The following MIOS variants were observed in gnomAD, a reference collection of about 807,000 sequenced individuals.
MIOS encodes GATOR2 complex protein MIOS.
MIOS carries 52 observed loss-of-function variants against 96.9 expected under a neutral mutation model. The ratio of observed to expected loss-of-function variants is 0.54; its 90% CI spans 0.43 to 0.68. The LOEUF (loss-of-function observed/expected upper bound fraction) is 0.68. Among genes scored for constraint, MIOS ranks in the 30% least tolerant of loss-of-function variants. The probability of loss-of-function intolerance (pLI) is 0.00; values close to 1 mark genes in which losing one functional copy is unlikely to be tolerated. For synonymous variants in MIOS, 397 were observed against 359.5 expected, an observed-to-expected ratio of 1.10 and a Z score of -1.18; for missense variants, 1,005 against 1,052.8, an observed-to-expected ratio of 0.95 and a Z score of 0.63.
intron 5 of MIOS, among the ~76,000 whole-genome samples, chr7:7,580,295 T>C (rs903091135): frequency 6.6e-5 from 10 of 152,208 alleles, no homozygotes; most frequent in African/African-American, 7.2e-5. Context: ...TTTCATAAGC[T>C]AAAAGTGATT....
chr7:7,573,408 C>T lies in MIOS; in HGVS notation c.933C>T (p.Pro311=), dbSNP rs61744397. 175,272 of 1,613,946 alleles carry T rather than the reference C, an allele frequency of 0.11. 10,018 individuals carry two copies. Among genetic ancestry groups the T allele is most frequent in the Middle Eastern group, 0.22 (1,351 of 6,062 alleles). ...TPTPIGDETE[P]TIIERSVQPC... ...CTCCCATTGGGGATGAAACTGAACC[C>T]ACAATAATTGAAAGAAGTGTGCAAC... The change falls in exon 4 of 13, where the codon CCC becomes CCT. Residue 311 remains proline, a synonymous_variant. Transcript: ENST00000340080. This position sits in a 1 kb window ranked among gnomAD's most constrained non-coding sequence, Gnocchi z 5.0.
chr7:7,570,542 T>G (rs559502822), intron 3 of MIOS, among the ~76,000 whole-genome samples: 6 of 152,172 alleles, frequency 3.9e-5, no homozygotes, highest in African/African-American at 1.4e-4. Context: ...CTATTTACAT[T>G]GTACTATACA....
chr7:7,600,696 T>A (rs899391942), intron 11 of MIOS, among the ~76,000 whole-genome samples: 1 of 152,140 alleles, frequency 6.6e-6, no homozygotes, highest in African/African-American at 2.4e-5. Flanking sequence ...GGAATTGAAC[T>A]CCGCTCTGCA....
Position 7,606,084 on chromosome 7 carries a change from TTTC to T in MIOS, c.2531+19_2531+21del. On this transcript the variant is annotated intron_variant, in intron 12 of 12. Transcript: ENST00000340080. ...TTAGTTGGTTCAGGTAATCAGCACA[TTTC>T]TTCTTTGATAGGCTTGGAGTTATGG... 1 of 1,613,194 alleles carries T rather than the reference TTTC, an allele frequency of 6.2e-7. No individual in the cohort carries two copies. The highest frequency in any genetic ancestry group is 8.5e-7 in the Non-Finnish European group (1 of 1,179,448).
At chr7:7,581,954 A>T (rs1447029448) in intron 5 of MIOS, 2 of 149,480 alleles carry the variant, frequency 1.3e-5, no homozygotes, top group African/African-American at 4.9e-5. Context: ...TTATCTCGAG[A>T]CAAGTTACAG....
intron 5 of MIOS, among the ~76,000 whole-genome samples, chr7:7,576,533 G>T (rs916498821): frequency 6.6e-6 from 1 of 152,182 alleles, no homozygotes; most frequent in East Asian, 1.9e-4. Context: ...GACCCAGAGG[G>T]TAGAGAGCAT....
intron 11 of MIOS, among the ~76,000 whole-genome samples, chr7:7,598,019 CAT>C (rs1784267607): frequency 6.6e-6 from 1 of 152,062 alleles, no homozygotes; most frequent in African/African-American, 2.4e-5. Flanking sequence ...TTATAGTAAA[CAT>C]ATGGGAAAAA....
intron 6 of MIOS, among the ~76,000 whole-genome samples, chr7:7,583,821 A>T (rs1403580756): frequency 6.6e-6 from 1 of 152,180 alleles, no homozygotes; most frequent in East Asian, 1.9e-4. Context: ...TATTTAGGCT[A>T]ATACAAATTG....
At chr7:7,580,913 C>T (rs1332671050) in intron 5 of MIOS, among the ~76,000 whole-genome samples, 1 of 150,176 alleles carries the variant, frequency 6.7e-6, no homozygotes, top group Admixed American at 6.6e-5. Flanking sequence ...TCTCGAACTC[C>T]CGACCTCAGG....
rs546584210 is a variant in MIOS at position 7,595,320 on chromosome 7, T to C, written c.2196+188T>C. On this transcript the variant is annotated intron_variant, in intron 10 of 12. Transcript: ENST00000340080. ...CTTGCTAACAATCATCTCAGTGGCT[T>C]GAGCTTTAGTCGCAGATAGAACAAA... Among the ~76,000 whole-genome samples the C allele has an allele frequency of 2.6e-5, 4 of 152,348 alleles. No homozygotes were observed. In the East Asian group the frequency reaches 7.7e-4, roughly 29 times the overall value.
At chr7:7,596,190 C>A in intron 10 of MIOS, 67 bp from the exon 11 acceptor site, 1 of 1,356,954 alleles carries the variant, frequency 7.4e-7, no homozygotes, top group Non-Finnish European at 1.0e-6. Context: ...GTTAGGCGCA[C>A]ACTAAGTTAT....
chr7:7,582,185 A>G (rs1476878214), intron 5 of MIOS, among the ~76,000 whole-genome samples: 2 of 152,230 alleles, frequency 1.3e-5, no homozygotes, highest in African/African-American at 2.4e-5. Context: ...TGTAAATTAC[A>G]AAGGTAAATT....
intron 11 of MIOS, among the ~76,000 whole-genome samples, chr7:7,604,221 T>A (rs76703686): frequency 0.04 from 6,104 of 151,274 alleles, 147 homozygotes; most frequent in Middle Eastern, 0.1. Flanking sequence ...TAATAAAATT[T>A]AAAAAAAAAT....
chr7:7,584,304 A>C (rs1465780081), intron 6 of MIOS, among the ~76,000 whole-genome samples: 1 of 152,160 alleles, frequency 6.6e-6, no homozygotes, highest in Non-Finnish European at 1.5e-5. Context: ...GATGGAAAAA[A>C]GAATTGATAT....
intron 7 of MIOS, among the ~76,000 whole-genome samples, chr7:7,587,307 G>A (rs7794706): frequency 0.26 from 39,838 of 151,754 alleles, 5,375 homozygotes; most frequent in Middle Eastern, 0.37. Context: ...GATGTGAGCC[G>A]CCATGCCCTG....
chr7:7,572,513 A>T lies in MIOS; in HGVS notation c.38A>T (p.His13Leu). 1 of 1,614,002 alleles carries T rather than the reference A, an allele frequency of 6.2e-7. No homozygotes were observed. Among genetic ancestry groups the T allele is most frequent in the Non-Finnish European group, 8.5e-7 (1 of 1,179,906 alleles). ...AAACCTGATATTTTATGGGCACCAC[A>T]CCATGTTGATAGATTTGTTGTGTGT... Reference protein sequence around the residue: ...GTKPDILWAPHHVDRFVVCDS... With the variant: ...GTKPDILWAPLHVDRFVVCDS... The change falls in exon 4 of 13, where the codon CAC becomes CTC. Residue 13 changes from histidine to leucine, a missense_variant. This residue lies in a region of MIOS where 137 missense variants were observed against 148.6 expected (regional missense o/e 0.92). Transcript: ENST00000340080. The surrounding 1 kb of genome is among the most constrained non-coding windows in gnomAD (Gnocchi z 4.8).
chr7:7,595,063 T>C lies in MIOS; in HGVS notation c.2127T>C (p.Phe709=). The change falls in exon 10 of 13, where the codon TTT becomes TTC. Residue 709 remains phenylalanine (F), a synonymous_variant. Transcript: ENST00000340080. The part of the protein sequence containing the change: ...NYRNLLDAWR[F]WHKRAEFDIH... The stretch of plus-strand genomic sequence containing the variant: ...GAAATTTATTAGATGCCTGGAGGTT[T>C]TGGCATAAACGAGCTGAATTTGATA... 1 of 1,614,104 alleles carries C rather than the reference T, an allele frequency of 6.2e-7. No homozygotes were observed. Among genetic ancestry groups the C allele is most frequent in the South Asian group, 1.1e-5 (1 of 91,080 alleles).
intron 7 of MIOS, among the ~76,000 whole-genome samples, chr7:7,587,931 G>A (rs1783940259): frequency 6.6e-6 from 1 of 152,062 alleles, no homozygotes; most frequent in Non-Finnish European, 1.5e-5. Context: ...AAAAATTTTA[G>A]TTATTATAAT....
At chr7:7,598,934 ATTTC>A (rs1435550742) in intron 11 of MIOS, among the ~76,000 whole-genome samples, 2 of 152,058 alleles carry the variant, frequency 1.3e-5, no homozygotes, top group Non-Finnish European at 2.9e-5. Context: ...TACAGAAATA[ATTTC>A]TTTATATATA....
Sources: gnomAD v4.1 joint callset for allele counts (sites outside exome capture counted in the v4.1 genomes callset) on GRCh38, gnomAD v4.1.1 for gene constraint, gnomAD v4.1.1 regional missense constraint, Gnocchi (gnomAD v3.1) non-coding constraint, MANE v1.5 for transcripts, NCBI Gene and HGNC (gene_info 2026-07-23, HGNC 2026-07-21) for gene names.